CFAP61: variants seen among roughly 807,000 people sequenced by gnomAD.
The protein encoded by CFAP61 is cilia- and flagella-associated protein 61.
In CFAP61, 107 loss-of-function variants were observed where a neutral mutation model predicts 135.6. The observed-to-expected ratio is 0.79, with a 90% CI of 0.67 to 0.93. The LOEUF (loss-of-function observed/expected upper bound fraction) is 0.93. Ranked by LOEUF, CFAP61 falls within the 40% of genes least tolerant of loss-of-function variation. The pLI is 0.00. For missense variants in CFAP61, 1,507 were observed against 1,556.2 expected, an observed-to-expected ratio of 0.97 and a Z score of 0.53; for synonymous variants, 575 against 578.5, an observed-to-expected ratio of 0.99 and a Z score of 0.09.
At position 20,298,174 on chromosome 20, in the gene CFAP61, C is replaced by T. The variant is rs375213041; in HGVS notation, c.3217-7C>T. ...TGTTGTTTTTCTTGTCCACATCCCT[C>T]CTCCAGGGTTTAGAACTAGTAACCG... On this transcript the variant is annotated splice_region_variant and splice_polypyrimidine_tract_variant and intron_variant, in intron 24 of 26. Coordinates refer to ENST00000245957, the MANE Select transcript of CFAP61 (RefSeq NM_015585.4). 1.7e-5 allele frequency: 27 copies of T among 1,603,910 alleles called. No individual in the cohort carries two copies. The highest frequency in any genetic ancestry group is 2.3e-5 in the Non-Finnish European group (27 of 1,170,822).
chr20:20,169,124 C>T (rs1431164602), intron 12 of CFAP61, among the ~76,000 whole-genome samples, 197 bp from the exon 13 acceptor site: 1 of 152,138 alleles, frequency 6.6e-6, no homozygotes, highest in East Asian at 1.9e-4. Context: ...AACAAAGATA[C>T]CTTTTCCCTG....
chr20:20,058,921 A>G (rs1024157722), intron 2 of CFAP61, among the ~76,000 whole-genome samples: 2 of 152,238 alleles, frequency 1.3e-5, no homozygotes, highest in African/African-American at 4.8e-5. Flanking sequence ...ATTAGAATCA[A>G]CAAGAGAAAT....
chr20:20,355,570 G>A (rs561071313), intron 26 of CFAP61, among the ~76,000 whole-genome samples: 2 of 140,206 alleles, frequency 1.4e-5, no homozygotes, highest in Non-Finnish European at 3.0e-5. Context: ...GTCACACTGT[G>A]AGGGGAGGGG....
intron 11 of CFAP61, 87 bp downstream of exon 11, chr20:20,164,315 A>G: frequency 2.2e-6 from 3 of 1,344,888 alleles, no homozygotes; most frequent in East Asian, 2.4e-5. Context: ...AGAGCCAGTA[A>G]TTTCCAAACC....
At chr20:20,088,744 T>A (rs1228777676) in intron 6 of CFAP61, among the ~76,000 whole-genome samples, 1 of 152,170 alleles carries the variant, frequency 6.6e-6, no homozygotes, top group Non-Finnish European at 1.5e-5. Flanking sequence ...GTGTGTTTTT[T>A]CCTCCTTGTA....
At chr20:20,191,677 C>A (rs1021420038) in intron 15 of CFAP61, among the ~76,000 whole-genome samples, 9 of 152,030 alleles carry the variant, frequency 5.9e-5, no homozygotes, top group African/African-American at 2.2e-4. Flanking sequence ...AGCTTTCCAC[C>A]ACCTATACAT....
intron 25 of CFAP61, among the ~76,000 whole-genome samples, chr20:20,307,186 T>C (rs990827430): frequency 6.6e-6 from 1 of 152,128 alleles, no homozygotes; most frequent in South Asian, 2.1e-4. Context: ...TAAAAGCAAA[T>C]CATCACTTCC....
At chr20:20,112,083 A>G (rs1013703408) in intron 8 of CFAP61, among the ~76,000 whole-genome samples, 5 of 152,234 alleles carry the variant, frequency 3.3e-5, no homozygotes, top group East Asian at 1.9e-4. Context: ...GAATAAAACA[A>G]TAACTATCCA....
chr20:20,207,369 A>G (rs1317372515), intron 17 of CFAP61, among the ~76,000 whole-genome samples: 2 of 152,220 alleles, frequency 1.3e-5, no homozygotes, highest in Non-Finnish European at 2.9e-5. Flanking sequence ...GGTTCTTGCC[A>G]CAACCCAGTA....
chr20:20,196,778 T>A lies in CFAP61; in HGVS notation c.1797+2T>A. On this transcript the variant is annotated splice_donor_variant, in intron 16 of 26. Coordinates refer to ENST00000245957, the MANE Select transcript of CFAP61 (RefSeq NM_015585.4). LOFTEE classifies it high-confidence loss of function. ...TACCCAAAATCCAGAGAAGGCAAGGTAAGAGAATGGTGCAATTCACTTTCC... is the reference window on the plus strand; with the variant it reads ...TACCCAAAATCCAGAGAAGGCAAGGAAAGAGAATGGTGCAATTCACTTTCC... 3.1e-6 allele frequency: 5 copies of A among 1,613,036 alleles called. No homozygotes were observed. Among genetic ancestry groups the A allele is most frequent in the Non-Finnish European group, 4.2e-6 (5 of 1,178,988 alleles).
chr20:20,130,643 A>C (rs1164650508), intron 8 of CFAP61, among the ~76,000 whole-genome samples: 2 of 151,718 alleles, frequency 1.3e-5, no homozygotes. Flanking sequence ...CTTTAAGCCC[A>C]GGTTTGCATC....
chr20:20,078,416 T>A (rs966975244), intron 6 of CFAP61, among the ~76,000 whole-genome samples: 1 of 152,102 alleles, frequency 6.6e-6, no homozygotes. Flanking sequence ...ATGGAGGAGT[T>A]GAGGGATGAG....
intron 17 of CFAP61, chr20:20,200,825 C>A: frequency 1.0e-6 from 1 of 985,454 alleles, no homozygotes; most frequent in Non-Finnish European, 1.2e-6. Flanking sequence ...CAGAGCCTGT[C>A]TTACTTGTGC....
chr20:20,265,368 G>A (rs565515147), intron 21 of CFAP61: 29 of 779,686 alleles, frequency 3.7e-5, no homozygotes, highest in African/African-American at 6.7e-5. Flanking sequence ...AGCAAGAAGC[G>A]CTGTAGTCTC....
chr20:20,084,707 G>A (rs1227338205), intron 6 of CFAP61, among the ~76,000 whole-genome samples: 9 of 152,194 alleles, frequency 5.9e-5, no homozygotes, highest in Admixed American at 5.9e-4. Flanking sequence ...TCAGCTAACC[G>A]ACTGGTGGAA....
chr20:20,132,781 A>G (rs979304062), intron 8 of CFAP61, among the ~76,000 whole-genome samples: 1 of 151,900 alleles, frequency 6.6e-6, no homozygotes, highest in Non-Finnish European at 1.5e-5. Flanking sequence ...CTTGAAGTCT[A>G]CTTTTTCTGA....
At chr20:20,063,656 A>G (rs1233027288) in intron 2 of CFAP61, among the ~76,000 whole-genome samples, 1 of 152,216 alleles carries the variant, frequency 6.6e-6, no homozygotes, top group African/African-American at 2.4e-5. Context: ...GAATCCCTGT[A>G]TAGTAAATGA....
intron 13 of CFAP61, among the ~76,000 whole-genome samples, chr20:20,183,102 A>G (rs1046869152): frequency 5.9e-5 from 9 of 152,200 alleles, no homozygotes; most frequent in Non-Finnish European, 1.5e-5. Context: ...GAGTCTGCCA[A>G]AAAAAGGTCA....
chr20:20,169,589 G>C (rs925356582), intron 13 of CFAP61, 129 bp downstream of exon 13: 2 of 822,288 alleles, frequency 2.4e-6, no homozygotes, highest in Non-Finnish European at 3.4e-6. Flanking sequence ...GAGGTCTTGA[G>C]TAAGTGATTT....
Sources: gnomAD v4.1 joint callset for allele counts (sites outside exome capture counted in the v4.1 genomes callset) on GRCh38, gnomAD v4.1.1 for gene constraint, MANE v1.5 for transcripts, NCBI Gene and HGNC (gene_info 2026-07-23, HGNC 2026-07-21) for gene names.